CRIM1: variants seen among roughly 807,000 people sequenced by gnomAD.
CRIM1 encodes cysteine-rich motor neuron 1 protein.
In CRIM1, 32 loss-of-function variants were observed where a neutral mutation model predicts 116.4. That is an observed-to-expected ratio of 0.27 (90% confidence interval 0.21 to 0.37). The LOEUF is 0.37. Ranked by LOEUF, CRIM1 falls within the 10% of genes least tolerant of loss-of-function variation. The pLI is 1.00. For missense variants in CRIM1, 1,331 were observed against 1,354.8 expected (o/e 0.98, Z 0.28); for synonymous variants, 590 against 509.2 (o/e 1.16, Z -2.13).
intron 4 of CRIM1, among the ~76,000 whole-genome samples, chr2:36,459,464 A>G (rs1486407687): frequency 6.6e-6 from 1 of 152,102 alleles, no homozygotes; most frequent in Non-Finnish European, 1.5e-5. Flanking sequence ...TACCTTTATC[A>G]TTTTTTTACT....
chr2:36,394,977 C>A lies in CRIM1; in HGVS notation c.332-1637C>A, dbSNP rs1037834937. On this transcript the variant is annotated intron_variant, in intron 1 of 16. Coordinates refer to ENST00000280527, the MANE Select transcript of CRIM1 (RefSeq NM_016441.3). ...AATGATGCCAGCAATAAAAGCTTAC[C>A]CTATAAAAATAAGAGCCATTTGTTT... 6.6e-5 allele frequency among the ~76,000 whole-genome samples: 10 copies of A among 151,202 alleles called. No homozygotes were observed. The East Asian group carries it at 7.7e-4, about 12-fold the overall frequency.
intron 15 of CRIM1, among the ~76,000 whole-genome samples, chr2:36,545,128 G>C (rs1022683942): frequency 6.6e-6 from 1 of 152,090 alleles, no homozygotes; most frequent in African/African-American, 2.4e-5. Context: ...TCTTAGCCGT[G>C]ACTCAGTACT....
chr2:36,382,321 C>G (rs765028768), intron 1 of CRIM1, among the ~76,000 whole-genome samples: 17 of 152,210 alleles, frequency 1.1e-4, no homozygotes, highest in Non-Finnish European at 2.4e-4. Flanking sequence ...TTCTGAAACA[C>G]CTGTTTTAAG....
chr2:36,479,261 A>G (rs1679219226), intron 6 of CRIM1, among the ~76,000 whole-genome samples: 1 of 152,160 alleles, frequency 6.6e-6, no homozygotes, highest in Admixed American at 6.5e-5. Flanking sequence ...TGGTTTTTAG[A>G]CTACAGATCC....
In CRIM1 at chr2:36,356,662, G is replaced by GCGC; in HGVS notation, c.331+44_331+46dup. 6.4e-7 allele frequency: 1 copy of GCGC among 1,564,422 alleles called. No individual in the cohort carries two copies. On this transcript the variant is annotated intron_variant, in intron 1 of 16. Coordinates refer to ENST00000280527, the MANE Select transcript of CRIM1 (RefSeq NM_016441.3). The surrounding 1 kb of genome is among the most constrained non-coding windows in gnomAD (Gnocchi z 4.3). Reference sequence around the variant, plus strand: ...CTGCGGGCCCCCTCCCACCTGGCCTGCGCCGCCCCCTCGGCGCTGGTTGTG... The same window carrying GCGC: ...CTGCGGGCCCCCTCCCACCTGGCCTGCGCCGCCGCCCCCTCGGCGCTGGTTGTG...
intron 2 of CRIM1, among the ~76,000 whole-genome samples, chr2:36,417,797 G>C (rs1220256648): frequency 6.6e-6 from 1 of 152,154 alleles, no homozygotes; most frequent in Admixed American, 6.5e-5. Flanking sequence ...ATAGAAAGTA[G>C]AATGAAATAA....
At chr2:36,450,367 T>A (rs772476461) in intron 4 of CRIM1, among the ~76,000 whole-genome samples, 1 of 152,224 alleles carries the variant, frequency 6.6e-6, no homozygotes, top group East Asian at 1.9e-4. Context: ...TGTGTGTGTG[T>A]CTTCTCTGTC....
chr2:36,430,245 A>C (rs1488124406), intron 2 of CRIM1, among the ~76,000 whole-genome samples: 1 of 152,192 alleles, frequency 6.6e-6, no homozygotes, highest in Non-Finnish European at 1.5e-5. Flanking sequence ...CTTGCCCTGG[A>C]AGATGGCTTT....
At chr2:36,518,732 T>C (rs1665184432) in intron 12 of CRIM1, among the ~76,000 whole-genome samples, 1 of 152,220 alleles carries the variant, frequency 6.6e-6, no homozygotes, top group South Asian at 2.1e-4. Context: ...TAATTTGTTG[T>C]CATCACAATT....
chr2:36,438,229 T>A (rs1482187333), intron 2 of CRIM1, among the ~76,000 whole-genome samples: 1 of 152,150 alleles, frequency 6.6e-6, no homozygotes, highest in Non-Finnish European at 1.5e-5. Context: ...TTCAAAATTC[T>A]GATTATTACA....
rs1666727666 is a variant in CRIM1, at chr2:36,538,684, G to A, written c.2623+1138G>A. ...TCCATTTATCTCCTAAAAAGGATAG[G>A]ATGTTCTGCAAGGTAAGGGGGTGGA... On this transcript the variant is annotated intron_variant, in intron 14 of 16. Transcript: ENST00000280527. 2.0e-5 allele frequency among the ~76,000 whole-genome samples: 3 copies of A among 152,150 alleles called. No homozygotes were observed. In the South Asian group the frequency reaches 6.2e-4, roughly 32 times the overall value.
chr2:36,413,902 G>A (rs991815750), intron 2 of CRIM1, among the ~76,000 whole-genome samples: 1 of 152,084 alleles, frequency 6.6e-6, no homozygotes, highest in Non-Finnish European at 1.5e-5. Flanking sequence ...TTAGCAAAAG[G>A]TCACTTTTAA....
chr2:36,365,783 A>C (rs1220090198), intron 1 of CRIM1, among the ~76,000 whole-genome samples: 2 of 145,872 alleles, frequency 1.4e-5, no homozygotes, highest in African/African-American at 5.1e-5. Context: ...TGCCAGGCTG[A>C]AGTGCAGTGG....
chr2:36,478,265 G>A (rs193058389), intron 6 of CRIM1, among the ~76,000 whole-genome samples: 1 of 152,280 alleles, frequency 6.6e-6, no homozygotes, highest in East Asian at 1.9e-4. Flanking sequence ...TTTTTTAGGT[G>A]ATGTTGACAA....
intron 5 of CRIM1, among the ~76,000 whole-genome samples, chr2:36,467,948 C>G (rs1678180408): frequency 6.6e-6 from 1 of 152,180 alleles, no homozygotes. Context: ...TGCGTTAACA[C>G]CACAAATGCA....
At chr2:36,504,439 A>G (rs935658842) in intron 8 of CRIM1, among the ~76,000 whole-genome samples, 17 of 152,336 alleles carry the variant, frequency 1.1e-4, no homozygotes, top group African/African-American at 3.1e-4. Flanking sequence ...TCAAAACCCT[A>G]TAGAAACATG....
chr2:36,482,402 G>A (rs1480867473), intron 7 of CRIM1, among the ~76,000 whole-genome samples: 1 of 152,078 alleles, frequency 6.6e-6, no homozygotes, highest in Admixed American at 6.5e-5. Flanking sequence ...GTTATTTATG[G>A]CTACTAATAA....
chr2:36,376,332 T>C (rs1670316656), intron 1 of CRIM1, among the ~76,000 whole-genome samples: 2 of 152,380 alleles, frequency 1.3e-5, no homozygotes, highest in East Asian at 3.9e-4. Context: ...TTCCTTGCTC[T>C]ACAGTAGATA....
intron 2 of CRIM1, among the ~76,000 whole-genome samples, chr2:36,431,685 C>T (rs905000287): frequency 2.0e-5 from 3 of 152,092 alleles, no homozygotes; most frequent in Non-Finnish European, 2.9e-5. Flanking sequence ...ATTCAGCAAG[C>T]GTTTGTCGGT....
Sources: allele counts gnomAD v4.1 joint callset (sites outside exome capture counted in the v4.1 genomes callset), GRCh38; gene constraint gnomAD v4.1.1; non-coding constraint Gnocchi (gnomAD v3.1); transcripts MANE v1.5; gene names NCBI Gene and HGNC (gene_info 2026-07-23, HGNC 2026-07-21).